TUBA1B: variants seen among roughly 807,000 people sequenced by gnomAD.
The protein encoded by TUBA1B is tubulin alpha-1B chain.
TUBA1B carries 1 observed loss-of-function variant against 34.4 expected under a neutral mutation model. That is an observed-to-expected ratio of 0.03 (90% CI 0.01 to 0.14). The LOEUF (loss-of-function observed/expected upper bound fraction) is 0.14, where lower values mean the gene tolerates loss of function less well. Among genes scored for constraint, TUBA1B ranks in the 10% least tolerant of loss-of-function variants. The pLI is 1.00. For missense variants in TUBA1B, 54 were observed against 583.6 expected, an observed-to-expected ratio of 0.09 and a Z score of 9.35; for synonymous variants, 197 against 212.5, an observed-to-expected ratio of 0.93 and a Z score of 0.64.
At position 49,127,853 on chromosome 12, in the gene TUBA1B, C is replaced by A; in HGVS notation, c.*105G>T. The A allele has an allele frequency of 1.3e-6, 2 of 1,534,792 alleles. No individual in the cohort carries two copies. Among genetic ancestry groups the A allele is most frequent in the South Asian group, 2.4e-5 (2 of 84,008 alleles). On this transcript the variant is annotated 3_prime_UTR_variant, in exon 4 of 4. Transcript: ENST00000336023. The stretch of plus-strand genomic sequence containing the variant: ...CAGGTACACATGGAAAAGACATGAT[C>A]ACCAAGTGAAAACAATCTAACCAGA...
chr12:49,127,813 G>T lies in TUBA1B; in HGVS notation c.*145C>A. 2 of 1,301,938 alleles carry T rather than the reference G, an allele frequency of 1.5e-6. No individual in the cohort carries two copies. Among genetic ancestry groups the T allele is most frequent in the Non-Finnish European group, 2.1e-6 (2 of 943,306 alleles). The allele number at this position is 1,301,938 out of a possible 1,614,324, so 80.6% of individuals were successfully genotyped here. ...TGTTAATGACTTTACTTTGAGATAT[G>T]ATGGAAAAATATTACAGGTACACAT... On this transcript the variant is annotated 3_prime_UTR_variant, in exon 4 of 4. Transcript: ENST00000336023.
At position 49,127,830 on chromosome 12, in the gene TUBA1B, G is replaced by C; in HGVS notation, c.*128C>G. Reference sequence around the variant, plus strand: ...TGAGATATGATGGAAAAATATTACAGGTACACATGGAAAAGACATGATCAC... The same window carrying C: ...TGAGATATGATGGAAAAATATTACACGTACACATGGAAAAGACATGATCAC... On this transcript the variant is annotated 3_prime_UTR_variant, in exon 4 of 4. Transcript: ENST00000336023. The C allele has an allele frequency of 7.2e-7, 1 of 1,388,526 alleles. No individual in the cohort carries two copies. The highest frequency in any genetic ancestry group is 9.9e-7 in the Non-Finnish European group (1 of 1,007,482). 86.0% of individuals were successfully genotyped at this position (1,388,526 alleles called of 1,614,324 possible). A position where few individuals can be genotyped will look rare whatever the true frequency, so the allele number is the denominator to read the frequency against.
chr12:49,129,908 G>A (rs1000230147), intron 1 of TUBA1B, 186 bp from the exon 2 acceptor site: 3 of 1,169,010 alleles, frequency 2.6e-6, no homozygotes, highest in Admixed American at 2.6e-5. Context: ...AGCCTCTGGA[G>A]CAGCTGGGAC....
At chr12:49,129,445 G>A in intron 2 of TUBA1B, 55 bp from the exon 3 acceptor site, 1 of 1,613,768 alleles carries the variant, frequency 6.2e-7, no homozygotes, top group East Asian at 2.2e-5. Context: ...AGAAGCCCCT[G>A]GACAGACCTC....
chr12:49,129,266 A>G lies in TUBA1B; in HGVS notation c.351T>C (p.Leu117=), dbSNP rs1057072. 181 of 1,614,014 alleles carry G rather than the reference A, an allele frequency of 1.1e-4. No homozygotes were observed. The highest frequency in any genetic ancestry group is 1.4e-4 in the Non-Finnish European group (169 of 1,180,038). Residue 117 remains leucine, a synonymous_variant, in exon 3 of 4, where the codon CTT becomes CTC. Transcript: ENST00000336023. ...CCAGCTTGCGAATTCGGTCCAACAC[A>G]AGGTCAATGATCTCCTTGCCAATGG... ...HYTIGKEIID[L]VLDRIRKLAD...
chr12:49,129,823 T>C, intron 1 of TUBA1B, 101 bp from the exon 2 acceptor site: 3 of 1,539,890 alleles, frequency 1.9e-6, no homozygotes, highest in Non-Finnish European at 2.6e-6. Context: ...AGAGATAAGG[T>C]CTGTCGCCCA....
In TUBA1B at chr12:49,128,138, G is replaced by A. The variant is rs1592245555; in HGVS notation, c.1176C>T (p.Asp392=). 1 of 1,614,152 alleles carries A rather than the reference G, an allele frequency of 6.2e-7. No individual in the cohort carries two copies. ...TGGCATACATCAGGTCAAACTTGTG[G>A]TCCAGGCGAGCCCAGGCCTCAGCAA... ...TAIAEAWARL[D]HKFDLMYAKR... The change falls in exon 4 of 4, where the codon GAC becomes GAT. Residue 392 remains aspartate, a synonymous_variant. Transcript: ENST00000336023. The surrounding 1 kb of genome is among the most constrained non-coding windows in gnomAD (Gnocchi z 8.1).
intron 1 of TUBA1B, chr12:49,130,508 A>G: frequency 7.1e-6 from 3 of 424,462 alleles, no homozygotes; most frequent in Non-Finnish European, 1.3e-5. Flanking sequence ...CAGCAGTCTG[A>G]GCGCAGTAGG....
chr12:49,130,577 T>C (rs934513602), intron 1 of TUBA1B: 5 of 350,086 alleles, frequency 1.4e-5, no homozygotes, highest in Middle Eastern at 1.1e-3. Context: ...CAAAATCCCT[T>C]ACTGCCACCA....
At chr12:49,130,173 G>A in intron 1 of TUBA1B, 2 of 1,239,350 alleles carry the variant, frequency 1.6e-6, no homozygotes, top group Non-Finnish European at 2.1e-6. Flanking sequence ...CTCAGTCACA[G>A]CTTCCTCCTT....
intron 1 of TUBA1B, 119 bp downstream of exon 1, chr12:49,131,179 C>G: frequency 2.3e-6 from 3 of 1,331,626 alleles, no homozygotes; most frequent in Non-Finnish European, 3.1e-6. Flanking sequence ...CGTTTTCCGC[C>G]CTCCAAACGG....
Position 49,127,964 on chromosome 12 carries a change from T to C in TUBA1B, c.1350A>G (p.Glu450=). Residue 450 remains glutamate (E), a synonymous_variant, in exon 4 of 4, where the codon GAA becomes GAG. Coordinates refer to ENST00000336023, the MANE Select transcript of TUBA1B (RefSeq NM_006082.3). ...GGCCAAAAGGAATGGATAATTAGTATTCCTCTCCTTCTTCCTCACCCTCTC... is the reference window on the plus strand; with the variant it reads ...GGCCAAAAGGAATGGATAATTAGTACTCCTCTCCTTCTTCCTCACCCTCTC... ...VEGEGEEEGE[E]Y 6.2e-7 allele frequency: 1 copy of C among 1,614,064 alleles called. No homozygotes were observed. The highest frequency in any genetic ancestry group is 8.5e-7 in the Non-Finnish European group (1 of 1,179,958).
At chr12:49,130,127 C>A (rs977894963) in intron 1 of TUBA1B, 5 of 1,200,214 alleles carry the variant, frequency 4.2e-6, no homozygotes, top group Non-Finnish European at 4.2e-6. Flanking sequence ...ACCTTCCCAT[C>A]CTAAACCGGG....
At position 49,131,374 on chromosome 12, in the gene TUBA1B, G is replaced by C. The variant is rs1258037046; in HGVS notation, c.-74C>G. ...CCGGTTACCGTCCCCGACAAGCTAA[G>C]AGTCGAGGTAAGTAACGCACTAGGG... On this transcript the variant is annotated 5_prime_UTR_variant, in exon 1 of 4. Coordinates refer to ENST00000336023, the MANE Select transcript of TUBA1B (RefSeq NM_006082.3). The C allele has an allele frequency of 4.4e-6, 7 of 1,574,430 alleles. No homozygotes were observed. The highest frequency in any genetic ancestry group is 2.3e-5 in the South Asian group (2 of 88,078).
At chr12:49,130,174 C>T in intron 1 of TUBA1B, 1 of 1,240,184 alleles carries the variant, frequency 8.1e-7, no homozygotes, top group Non-Finnish European at 1.0e-6. Flanking sequence ...TCAGTCACAG[C>T]TTCCTCCTTT....
chr12:49,130,856 G>A (rs976138789), intron 1 of TUBA1B: 1 of 167,628 alleles, frequency 6.0e-6, no homozygotes, highest in African/African-American at 2.4e-5. Context: ...GGTCGCGCGT[G>A]CGCGCTTTTG....
At chr12:49,130,202 A>C in intron 1 of TUBA1B, 3 of 1,269,478 alleles carry the variant, frequency 2.4e-6, no homozygotes, top group Non-Finnish European at 3.1e-6. Flanking sequence ...CAAGACAGGA[A>C]GGTGGGCATC....
intron 1 of TUBA1B, chr12:49,129,997 C>G: frequency 9.7e-7 from 1 of 1,029,220 alleles, no homozygotes; most frequent in African/African-American, 1.6e-5. Context: ...ACCTAGGCTA[C>G]TCACGTAATC....
intron 1 of TUBA1B, chr12:49,130,098 G>T (rs917084244): frequency 5.0e-6 from 6 of 1,200,008 alleles, no homozygotes; most frequent in Non-Finnish European, 6.3e-6. Flanking sequence ...TATAGTCTAC[G>T]TTGCTTTTAA....
Sources: gnomAD v4.1 joint callset for allele counts on GRCh38, gnomAD v4.1.1 for gene constraint, Gnocchi (gnomAD v3.1) non-coding constraint, MANE v1.5 for transcripts, NCBI Gene and HGNC (gene_info 2026-07-23, HGNC 2026-07-21) for gene names.